The following AHNAK variants were observed in gnomAD, a reference collection of about 807,000 sequenced individuals.
AHNAK encodes AHNAK nucleoprotein.
AHNAK carries 23 observed loss-of-function variants against 37.8 expected under a neutral mutation model. The observed-to-expected ratio is 0.61, with a 90% CI of 0.44 to 0.86. The LOEUF is 0.86. Among genes scored for constraint, AHNAK ranks in the 40% least tolerant of loss-of-function variants. AHNAK has a pLI of 0.00. For missense variants in AHNAK, 7,411 were observed against 7,319.4 expected (o/e 1.01, Z -0.46); for synonymous variants, 2,481 against 2,636.3 (o/e 0.94, Z 1.80).
At chr11:62,454,412 CAAAAAA>C (rs5792260) in intron 5 of AHNAK, among the ~76,000 whole-genome samples, 3 of 126,136 alleles carry the variant, frequency 2.4e-5, no homozygotes, top group African/African-American at 2.8e-5. Flanking sequence ...GACTCCATCT[CAAAAAA>C]AAAAAAAAAA....
chr11:62,517,796 T>C lies in AHNAK; in HGVS notation c.16621A>G (p.Ile5541Val). The change falls in exon 5 of 5, where the codon ATC becomes GTC. Residue 5541 changes from isoleucine to valine, a missense_variant. Physicochemically the swap from Ile to Val is conservative, Grantham distance 29. Transcript: ENST00000378024. ...EVGFHGAAPD[I>V]SVKGPAFNMA... ...TTAAAGGCAGGCCCCTTCACACTGA[T>C]ATCAGGAGCAGCCCCATGGAAACCT... The C allele has an allele frequency of 3.7e-6, 6 of 1,614,180 alleles. No individual in the cohort carries two copies. The highest frequency in any genetic ancestry group is 2.2e-5 in the South Asian group (2 of 91,090).
At chr11:62,467,172 G>A (rs2958539) in intron 5 of AHNAK, among the ~76,000 whole-genome samples, 130,802 of 150,388 alleles carry the variant, frequency 0.87, 57,241 homozygotes, top group South Asian at 0.96. Flanking sequence ...TGTTCATGAC[G>A]CTGCACTCCA....
Position 62,546,618 on chromosome 11 carries a change from C to G in AHNAK, c.-100+42G>C, listed in dbSNP as rs554134060. ...ACCTCCCCGCGACCCGCCCTTGGTGCCCCGGACCCCGATGGCGCCACGGTG... is the reference window on the plus strand; with the variant it reads ...ACCTCCCCGCGACCCGCCCTTGGTGGCCCGGACCCCGATGGCGCCACGGTG... On this transcript the variant is annotated intron_variant, in intron 1 of 4. Coordinates refer to ENST00000378024, the MANE Select transcript of AHNAK (RefSeq NM_001620.3). 6 of 152,450 alleles carry G rather than the reference C, an allele frequency of 3.9e-5. No individual in the cohort carries two copies. The East Asian group carries it at 1.2e-3, about 29-fold the overall frequency. 9.4% of individuals were successfully genotyped at this position (152,450 alleles called of 1,614,324 possible).
At position 62,528,856 on chromosome 11, in the gene AHNAK, T is replaced by A. The variant is rs1329366596; in HGVS notation, c.5561A>T (p.Lys1854Met). The A allele has an allele frequency of 2.5e-6, 4 of 1,613,336 alleles. No homozygotes were observed. The highest frequency in any genetic ancestry group is 2.5e-6 in the Non-Finnish European group (3 of 1,179,846). The change falls in exon 5 of 5, where the codon AAG (lysine) becomes ATG (methionine). Residue 1854 changes from lysine (K) to methionine (M), a missense_variant. Lys to Met is a moderately conservative substitution (Grantham distance 95). Transcript: ENST00000378024. ...KMPEMHFKAP[K>M]ISMPDVDLHL... ...TAAGTCCACATCAGGCATGGAGATC[T>A]TGGGGGCCTTGAAGTGCATCTCAGG...
Position 62,516,217 on chromosome 11 carries a change from A to C in AHNAK, c.*527T>G. 7.8e-7 allele frequency: 1 copy of C among 1,289,042 alleles called. No individual in the cohort carries two copies. Among genetic ancestry groups the C allele is most frequent in the Non-Finnish European group, 1.0e-6 (1 of 988,656 alleles). 79.9% of individuals were successfully genotyped at this position (1,289,042 alleles called of 1,614,324 possible). On this transcript the variant is annotated 3_prime_UTR_variant, in exon 5 of 5. Transcript: ENST00000378024. ...GAAACAACACTAAAGAACCCTAAAA[A>C]CACCCACACACCCTGACTACCACCA...
At position 62,524,945 on chromosome 11, in the gene AHNAK, T is replaced by C. The variant is rs1469145834; in HGVS notation, c.9472A>G (p.Ile3158Val). 6.2e-7 allele frequency: 1 copy of C among 1,608,706 alleles called. No homozygotes were observed. Among genetic ancestry groups the C allele is most frequent in the Admixed American group, 1.7e-5 (1 of 59,466 alleles). The change falls in exon 5 of 5, where the codon ATC (isoleucine) becomes GTC (valine). Residue 3158 changes from isoleucine to valine, a missense_variant. Transcript: ENST00000378024. ...LKMPKIKMPK[I>V]SMPGFKGEGP... is the part of the protein sequence containing the mutation. ...TCTCCTTTGAAGCCAGGCATGCTGA[T>C]CTTGGGCATTTTTATTTTAGGCATC...
chr11:62,535,289 G>T, intron 3 of AHNAK, 99 bp from the exon 4 acceptor site: 1 of 1,104,530 alleles, frequency 9.1e-7, no homozygotes, highest in South Asian at 1.5e-5. Context: ...TTGAACTCAT[G>T]ACCACCCTGC....
chr11:62,530,182 TCAA>T lies in AHNAK; in HGVS notation c.4232_4234del (p.Val1411del), dbSNP rs1381578078. Reference sequence around the variant, plus strand: ...AGCATCCATTTTGGGTCCTGAGACATCAACGTCAGCTTTGGGCAGCTTCACATC... The same window carrying T: ...AGCATCCATTTTGGGTCCTGAGACATCGTCAGCTTTGGGCAGCTTCACATC... On this transcript the variant is annotated inframe_deletion, in exon 5 of 5. Coordinates refer to ENST00000378024, the MANE Select transcript of AHNAK (RefSeq NM_001620.3). 1.2e-6 allele frequency: 2 copies of T among 1,612,114 alleles called. No individual in the cohort carries two copies. Among genetic ancestry groups the T allele is most frequent in the African/African-American group, 2.7e-5 (2 of 74,282 alleles).
intron 5 of AHNAK, among the ~76,000 whole-genome samples, chr11:62,450,385 G>T (rs1428306972): frequency 6.6e-6 from 1 of 151,904 alleles, no homozygotes; most frequent in Admixed American, 6.6e-5. Context: ...TAGAGATAGG[G>T]TTTCACCATG....
In AHNAK at chr11:62,521,925, G is replaced by A. The variant is rs1316763245; in HGVS notation, c.12492C>T (p.Asp4164=). Reference sequence around the variant, plus strand: ...CAATGTCCACTTTGGGGCCCTTGATGTCAACTTCAGGGCCCTTGAGGTCGC... The same window carrying A: ...CAATGTCCACTTTGGGGCCCTTGATATCAACTTCAGGGCCCTTGAGGTCGC... ...VEGDLKGPEV[D]IKGPKVDIDV... is the part of the protein sequence containing the mutation. Residue 4164 remains aspartate (D), a synonymous_variant, in exon 5 of 5, where the codon GAC becomes GAT. Transcript: ENST00000378024. The A allele has an allele frequency of 3.7e-6, 6 of 1,613,356 alleles. No individual in the cohort carries two copies. The highest frequency in any genetic ancestry group is 3.4e-6 in the Non-Finnish European group (4 of 1,179,848).
At chr11:62,505,792 A>C (rs925802315) in intron 4 of AHNAK, among the ~76,000 whole-genome samples, 6 of 123,286 alleles carry the variant, frequency 4.9e-5, no homozygotes, top group African/African-American at 1.9e-4. Context: ...CCCTGGCCAC[A>C]CTGTCAGCCT....
At position 62,532,453 on chromosome 11, in the gene AHNAK, C is replaced by T. The variant is rs746095319; in HGVS notation, c.1964G>A (p.Gly655Glu). The change falls in exon 5 of 5, where the codon GGA (glycine) becomes GAA (glutamate). Residue 655 changes from glycine to glutamate, a missense_variant. Transcript: ENST00000378024. The stretch of plus-strand genomic sequence containing the variant: ...CTTGGGCCCTGAAATACTGATATCT[C>T]CTTTGGGTAGAGTCATATGAACATC... Reference protein sequence around the residue: ...GPDVHMTLPKGDISISGPKVN... With the variant: ...GPDVHMTLPKEDISISGPKVN... The T allele has an allele frequency of 6.2e-7, 1 of 1,614,028 alleles. No homozygotes were observed. Among genetic ancestry groups the T allele is most frequent in the Admixed American group, 1.7e-5 (1 of 60,004 alleles).
rs1048196154 is a variant in AHNAK at position 62,515,932 on chromosome 11, G to A, written c.*812C>T. Reference sequence around the variant, plus strand: ...GTTAATAAACAGCTTTATTTGCCTTGTACAGCATCAATTTTCTTACATTCT... The same window carrying A: ...GTTAATAAACAGCTTTATTTGCCTTATACAGCATCAATTTTCTTACATTCT... On this transcript the variant is annotated 3_prime_UTR_variant, in exon 5 of 5. Transcript: ENST00000378024. 15 of 1,173,112 alleles carry A rather than the reference G, an allele frequency of 1.3e-5. No homozygotes were observed. In the African/African-American group the frequency reaches 1.9e-4, roughly 15 times the overall value. 72.7% of individuals were successfully genotyped at this position (1,173,112 alleles called of 1,614,324 possible). A position where few individuals can be genotyped will look rare whatever the true frequency, so the allele number is the denominator to read the frequency against.
At chr11:62,490,931 G>A (rs1174318914) in intron 5 of AHNAK, among the ~76,000 whole-genome samples, 5 of 151,950 alleles carry the variant, frequency 3.3e-5, no homozygotes, top group Admixed American at 3.3e-4. Flanking sequence ...GGGATTACAG[G>A]TGCCTGCCAC....
chr11:62,523,997 T>C lies in AHNAK; in HGVS notation c.10420A>G (p.Met3474Val), dbSNP rs1940372763. 1 of 1,614,032 alleles carries C rather than the reference T, an allele frequency of 6.2e-7. No individual in the cohort carries two copies. Among genetic ancestry groups the C allele is most frequent in the Non-Finnish European group, 8.5e-7 (1 of 1,180,032 alleles). ...DVHGPDWNLKMPKMKMPKFSV... is the reference protein window; with the variant it reads ...DVHGPDWNLKVPKMKMPKFSV... ...AATTTGGGCATTTTCATCTTGGGCATTTTCAGATTCCAGTCTGGACCATGA... is the reference window on the plus strand; with the variant it reads ...AATTTGGGCATTTTCATCTTGGGCACTTTCAGATTCCAGTCTGGACCATGA... Residue 3474 changes from methionine to valine, a missense_variant, in exon 5 of 5, where the codon ATG becomes GTG. Met to Val is a conservative substitution (Grantham distance 21). Transcript: ENST00000378024.
rs1940209283 is a variant in AHNAK, at chr11:62,520,769, C to T, written c.13648G>A (p.Gly4550Ser). 1 of 1,613,928 alleles carries T rather than the reference C, an allele frequency of 6.2e-7. No homozygotes were observed. The highest frequency in any genetic ancestry group is 1.1e-5 in the South Asian group (1 of 91,064). Residue 4550 changes from glycine to serine, a missense_variant, in exon 5 of 5, where the codon GGT (glycine) becomes AGT (serine). Transcript: ENST00000378024. ...SVPKLEGDLK[G>S]PKVDVKGPKV... ...GGGCCTTTGACATCCACTTTGGGAC[C>T]TTTCAGATCTCCCTCCAGTTTAGGA...
Position 62,459,592 on chromosome 11 carries a change from C to A in AHNAK, c.443-25701G>T, listed in dbSNP as rs567649207. On this transcript the variant is annotated intron_variant, in intron 5 of 5. Transcript: ENST00000257247. ...CTCTCCTGACCTCCACACCTCCACA[C>A]AAGCCCCTCTGCTGGGCAGAAAATG... Among the ~76,000 whole-genome samples the A allele has an allele frequency of 4.6e-5, 7 of 152,312 alleles. No homozygotes were observed. The South Asian group carries it at 1.5e-3, about 32-fold the overall frequency.
At chr11:62,512,127 G>A (rs1189820536), downstream of AHNAK, among the ~76,000 whole-genome samples, 2 of 152,158 alleles carry the variant, frequency 1.3e-5, no homozygotes, top group East Asian at 1.9e-4. This position sits in a 1 kb window ranked among gnomAD's most constrained non-coding sequence, Gnocchi z 4.0. Flanking sequence ...GATTACAGGC[G>A]TGAGCCACTG....
At chr11:62,439,094 T>A (rs1938243239) in intron 5 of AHNAK, among the ~76,000 whole-genome samples, 1 of 140,606 alleles carries the variant, frequency 7.1e-6, no homozygotes, top group African/African-American at 2.6e-5. Flanking sequence ...TCCCTATTTT[T>A]TTTTTTTTTT....
Sources: allele counts gnomAD v4.1 joint callset (sites outside exome capture counted in the v4.1 genomes callset), GRCh38; gene constraint gnomAD v4.1.1; non-coding constraint Gnocchi (gnomAD v3.1); transcripts MANE v1.5; gene names NCBI Gene and HGNC (gene_info 2026-07-23, HGNC 2026-07-21).